Variants in PDCD6IP observed in about 807,000 individuals in gnomAD.
The protein encoded by PDCD6IP is programmed cell death 6-interacting protein.
Under a neutral mutation model 103.7 loss-of-function variants are expected in PDCD6IP, and 43 were observed. That is an observed-to-expected ratio of 0.41 (90% CI 0.32 to 0.53). The LOEUF (loss-of-function observed/expected upper bound fraction) is 0.53. PDCD6IP is among the 20% of genes least tolerant of loss of function. The pLI, the probability that PDCD6IP is intolerant of heterozygous loss-of-function variation, is 0.16. For synonymous variants in PDCD6IP, 354 were observed against 378.7 expected (o/e 0.93, Z 0.76); for missense variants, 871 against 1,036.7 (o/e 0.84, Z 2.20).
Position 33,855,171 on chromosome 3 carries a change from C to T in PDCD6IP, c.2031C>T (p.Tyr677=), listed in dbSNP as rs200937128. Residue 677 remains tyrosine, a synonymous_variant, in exon 15 of 18, where the codon TAC becomes TAT. Transcript: ENST00000307296. ...VANLKEGTKF[Y]NELTEILVRF... ...TATTTGTTCTTTGCTTATAGTTTTA[C>T]AATGAGTTGACTGAAATCCTGGTCA... The T allele has an allele frequency of 3.6e-5, 58 of 1,598,838 alleles. No individual in the cohort carries two copies. Among genetic ancestry groups the T allele is most frequent in the Admixed American group, 1.7e-4 (10 of 59,912 alleles).
intron 16 of PDCD6IP, 64 bp downstream of exon 16, chr3:33,864,193 G>C: frequency 6.1e-6 from 6 of 978,304 alleles, no homozygotes; most frequent in Non-Finnish European, 9.6e-6. Flanking sequence ...TTGTTCTAAC[G>C]GATAAAACAT....
chr3:33,853,562 A>G (rs1697764795), intron 13 of PDCD6IP, among the ~76,000 whole-genome samples: 1 of 152,172 alleles, frequency 6.6e-6, no homozygotes, highest in South Asian at 2.1e-4. Flanking sequence ...ACTCCTAAAC[A>G]TTGTATCTAT....
At chr3:33,826,347 G>A in intron 5 of PDCD6IP, 133 bp from the exon 6 acceptor site, 2 of 634,026 alleles carry the variant, frequency 3.2e-6, no homozygotes, top group Non-Finnish European at 5.3e-6. Context: ...TCTAAATTTT[G>A]TGCAGAAAAT....
rs147157088 is a variant in PDCD6IP at position 33,833,084 on chromosome 3, G to T, written c.835-2960G>T. Reference sequence around the variant, plus strand: ...TTGGAGTATTTTACAACTATCTCACGTATCATTTCATTCTTAAGTTTTTTA... The same window carrying T: ...TTGGAGTATTTTACAACTATCTCACTTATCATTTCATTCTTAAGTTTTTTA... On this transcript the variant is annotated intron_variant, in intron 7 of 17. Coordinates refer to ENST00000307296, the MANE Select transcript of PDCD6IP (RefSeq NM_013374.6). Among the ~76,000 whole-genome samples, 6 of 151,848 alleles carry T rather than the reference G, an allele frequency of 4.0e-5. No homozygotes were observed. In the East Asian group the frequency reaches 1.2e-3, roughly 29 times the overall value.
intron 13 of PDCD6IP, among the ~76,000 whole-genome samples, chr3:33,853,263 T>G (rs1697759931): frequency 6.6e-6 from 1 of 152,176 alleles, no homozygotes; most frequent in Non-Finnish European, 1.5e-5. Context: ...TGCATATTAC[T>G]TAGGAGTGCT....
intron 1 of PDCD6IP, chr3:33,811,305 T>G (rs1483513284): frequency 5.9e-6 from 1 of 169,454 alleles, no homozygotes; most frequent in African/African-American, 2.4e-5. Flanking sequence ...AGCCAAAAGC[T>G]TGGTCTCAGA....
At chr3:33,857,390 A>G (rs1194736129) in intron 15 of PDCD6IP, among the ~76,000 whole-genome samples, 1 of 152,118 alleles carries the variant, frequency 6.6e-6, no homozygotes, top group Non-Finnish European at 1.5e-5. Context: ...CATGTTGGCC[A>G]GGCTGGTCTC....
chr3:33,857,204 G>A (rs1697848701), intron 15 of PDCD6IP, among the ~76,000 whole-genome samples: 1 of 151,796 alleles, frequency 6.6e-6, no homozygotes, highest in Non-Finnish European at 1.5e-5. Flanking sequence ...TTTTTTAGAT[G>A]GAGTTTTGCT....
intron 15 of PDCD6IP, chr3:33,855,473 A>G: frequency 2.4e-6 from 1 of 414,740 alleles, no homozygotes; most frequent in Non-Finnish European, 4.4e-6. Flanking sequence ...TAGATGCAGG[A>G]AGTACAGTGA....
In PDCD6IP at chr3:33,844,216, A is replaced by C; in HGVS notation, c.1464A>C (p.Leu488Phe). The change falls in exon 11 of 18, where the codon TTA becomes TTC. Residue 488 changes from leucine to phenylalanine, a missense_variant. Around this residue, in one of 5 missense-constraint regions of PDCD6IP, gnomAD observed 266 missense variants for 390.5 expected, o/e 0.68. Transcript: ENST00000307296. Reference protein sequence around the residue: ...RTPSNELYKPLRAEGTNFRTV... With the variant: ...RTPSNELYKPFRAEGTNFRTV... The stretch of plus-strand genomic sequence containing the variant: ...CATCCAATGAACTGTATAAGCCTTT[A>C]AGAGCAGGTAAAAATGTGTATAAAT... The C allele has an allele frequency of 6.5e-7, 1 of 1,533,110 alleles. No homozygotes were observed. The highest frequency in any genetic ancestry group is 1.7e-4 in the Middle Eastern group (1 of 5,804). The allele number at this position is 1,533,110 out of a possible 1,614,324, so 95.0% of individuals were successfully genotyped here.
In PDCD6IP at chr3:33,845,416, C is replaced by T; in HGVS notation, c.1472-3C>T. ...TGCTCTGCAAACTTTTATTTTCTCCCAGAGGGAACCAACTTCAGAACAGTT... is the reference window on the plus strand; with the variant it reads ...TGCTCTGCAAACTTTTATTTTCTCCTAGAGGGAACCAACTTCAGAACAGTT... On this transcript the variant is annotated splice_polypyrimidine_tract_variant and splice_region_variant and intron_variant, in intron 11 of 17. Coordinates refer to ENST00000307296, the MANE Select transcript of PDCD6IP (RefSeq NM_013374.6). 2 of 1,609,576 alleles carry T rather than the reference C, an allele frequency of 1.2e-6. No individual in the cohort carries two copies. The highest frequency in any genetic ancestry group is 1.7e-6 in the Non-Finnish European group (2 of 1,177,434).
chr3:33,817,449 A>T (rs1263897035), intron 3 of PDCD6IP, among the ~76,000 whole-genome samples: 1 of 152,092 alleles, frequency 6.6e-6, no homozygotes, highest in African/African-American at 2.4e-5. Context: ...TTCATGAGTT[A>T]TTTTCGTTTT....
intron 4 of PDCD6IP, among the ~76,000 whole-genome samples, chr3:33,824,387 A>G (rs921458787): frequency 6.6e-6 from 1 of 152,002 alleles, no homozygotes; most frequent in African/African-American, 2.4e-5. Flanking sequence ...CCTCCCGAGC[A>G]GCTGGGATTA....
rs921565220 is a variant in PDCD6IP at position 33,866,737 on chromosome 3, G to A, written c.*212G>A. The A allele has an allele frequency of 2.3e-5, 9 of 393,262 alleles. No homozygotes were observed. The highest frequency in any genetic ancestry group is 1.9e-4 in the African/African-American group (9 of 48,418). The allele number at this position is 393,262 out of a possible 1,614,324, so 24.4% of individuals were successfully genotyped here. ...GCTGCTGTTGCAGTATAAACACTAG[G>A]TATAATAGGATTTGAAATTGCATTA... On this transcript the variant is annotated 3_prime_UTR_variant, in exon 18 of 18. Coordinates refer to ENST00000307296, the MANE Select transcript of PDCD6IP (RefSeq NM_013374.6).
intron 3 of PDCD6IP, 42 bp downstream of exon 3, chr3:33,813,670 C>A (rs1315878702): frequency 1.8e-6 from 2 of 1,111,672 alleles, no homozygotes; most frequent in South Asian, 2.6e-5. Context: ...ATTGGTCTAA[C>A]TACTTTGCAT....
chr3:33,825,064 A>G, intron 4 of PDCD6IP, 123 bp from the exon 5 acceptor site: 1 of 818,678 alleles, frequency 1.2e-6, no homozygotes, highest in South Asian at 1.7e-5. Flanking sequence ...GGTTTTGCAT[A>G]ATATAAAAAT....
At chr3:33,839,955 ATAGT>A (rs1405405455) in intron 9 of PDCD6IP, among the ~76,000 whole-genome samples, 3 of 152,266 alleles carry the variant, frequency 2.0e-5, no homozygotes, top group Admixed American at 6.5e-5. Flanking sequence ...GTTTTTCTTA[ATAGT>A]TAAAGACTTC....
At chr3:33,814,913 T>G (rs1696812142) in intron 3 of PDCD6IP, among the ~76,000 whole-genome samples, 1 of 146,510 alleles carries the variant, frequency 6.8e-6, no homozygotes, top group Non-Finnish European at 1.5e-5. Flanking sequence ...CATATATGTA[T>G]ATATTATATA....
chr3:33,865,435 G>A lies in PDCD6IP; in HGVS notation c.2432+5G>A. ...CACCTATCCAGGATATCCTGGGTAAGGCTGCAACATTGTGTATCCCAAGTT... is the reference window on the plus strand; with the variant it reads ...CACCTATCCAGGATATCCTGGGTAAAGCTGCAACATTGTGTATCCCAAGTT... On this transcript the variant is annotated splice_donor_5th_base_variant and intron_variant, in intron 17 of 17. Transcript: ENST00000307296. 2 of 1,576,428 alleles carry A rather than the reference G, an allele frequency of 1.3e-6. No homozygotes were observed. The highest frequency in any genetic ancestry group is 1.7e-6 in the Non-Finnish European group (2 of 1,165,120).
Sources: gnomAD v4.1 joint callset for allele counts (sites outside exome capture counted in the v4.1 genomes callset) on GRCh38, gnomAD v4.1.1 for gene constraint, gnomAD v4.1.1 regional missense constraint, MANE v1.5 for transcripts, NCBI Gene and HGNC (gene_info 2026-07-23, HGNC 2026-07-21) for gene names.